Variants in C8orf34 observed in about 807,000 individuals in gnomAD.
C8orf34 encodes the protein uncharacterized protein C8orf34.
C8orf34 carries 65 observed loss-of-function variants against 68.3 expected under a neutral mutation model. The observed-to-expected ratio is 0.95, with a 90% CI of 0.78 to 1.17. The LOEUF (loss-of-function observed/expected upper bound fraction) is 1.17. Among genes scored for constraint, C8orf34 ranks in the 50% most tolerant of loss-of-function variants. The probability of loss-of-function intolerance (pLI) is 0.00; values close to 1 mark genes in which losing one functional copy is unlikely to be tolerated. For missense variants in C8orf34, 664 were observed against 655.4 expected (o/e 1.01, Z -0.14); for synonymous variants, 244 against 241.2 (o/e 1.01, Z -0.11).
chr8:68,577,390 T>C (rs1816936886), intron 7 of C8orf34, among the ~76,000 whole-genome samples: 1 of 152,028 alleles, frequency 6.6e-6, no homozygotes, highest in South Asian at 2.1e-4. Flanking sequence ...ATTTAAAATA[T>C]GTAACAAAAG....
At chr8:68,548,623 A>G (rs984553245) in intron 7 of C8orf34, among the ~76,000 whole-genome samples, 1 of 151,822 alleles carries the variant, frequency 6.6e-6, no homozygotes, top group Admixed American at 6.6e-5. Flanking sequence ...TGTGTTTAGC[A>G]GTGTCTCATA....
intron 1 of C8orf34, among the ~76,000 whole-genome samples, chr8:68,400,107 T>C (rs1414459259): frequency 6.6e-6 from 1 of 152,154 alleles, no homozygotes; most frequent in Non-Finnish European, 1.5e-5. Flanking sequence ...TTTCTCCCAT[T>C]TGGCAAGCTG....
At chr8:68,354,611 G>C (rs996650112) in intron 1 of C8orf34, among the ~76,000 whole-genome samples, 5 of 152,066 alleles carry the variant, frequency 3.3e-5, no homozygotes, top group African/African-American at 1.2e-4. Context: ...TTTAGTGGAT[G>C]GATATGACTG....
At chr8:68,712,949 A>G (rs1485387210) in intron 9 of C8orf34, among the ~76,000 whole-genome samples, 1 of 152,170 alleles carries the variant, frequency 6.6e-6, no homozygotes, top group Admixed American at 6.5e-5. Context: ...TAAATTTAAG[A>G]AAATCAAAAT....
chr8:68,650,126 A>G (rs1243175004), intron 8 of C8orf34, among the ~76,000 whole-genome samples: 1 of 152,220 alleles, frequency 6.6e-6, no homozygotes, highest in East Asian at 1.9e-4. Flanking sequence ...TAAAATATTA[A>G]GAATAATTCT....
At chr8:68,669,448 A>G (rs1819941867) in intron 8 of C8orf34, among the ~76,000 whole-genome samples, 1 of 152,208 alleles carries the variant, frequency 6.6e-6, no homozygotes, top group African/African-American at 2.4e-5. Context: ...ATATGTTTTT[A>G]TGTACCCATT....
chr8:68,428,400 T>C lies in C8orf34; in HGVS notation c.328-11099T>C, dbSNP rs540333720. Among the ~76,000 whole-genome samples, 32 of 152,072 alleles carry C rather than the reference T, an allele frequency of 2.1e-4. 1 individual carries two copies. The South Asian group carries it at 6.6e-3, about 32-fold the overall frequency. ...TAGAGAGAGTTACAAGACACAACAA[T>C]AAAAATACAAGCCATGCGTGATAAC... On this transcript the variant is annotated intron_variant, in intron 1 of 13. Transcript: ENST00000518698.
At chr8:68,685,667 G>A (rs1298235272) in intron 8 of C8orf34, among the ~76,000 whole-genome samples, 1 of 151,852 alleles carries the variant, frequency 6.6e-6, no homozygotes, top group Non-Finnish European at 1.5e-5. Flanking sequence ...ACCAGCCTGG[G>A]TAACATGGTG....
At chr8:68,636,147 G>A (rs1481691885) in intron 7 of C8orf34, among the ~76,000 whole-genome samples, 1 of 152,116 alleles carries the variant, frequency 6.6e-6, no homozygotes. Context: ...AATTGGTTTT[G>A]GGAGTGCATT....
intron 1 of C8orf34, among the ~76,000 whole-genome samples, chr8:68,403,101 A>T (rs1277497866): frequency 1.3e-5 from 2 of 152,162 alleles, no homozygotes; most frequent in African/African-American, 2.4e-5. Context: ...TTCCAACTTG[A>T]CCTAGAACAG....
At chr8:68,736,916 G>A (rs554976218) in intron 10 of C8orf34, among the ~76,000 whole-genome samples, 1 of 152,144 alleles carries the variant, frequency 6.6e-6, no homozygotes, top group South Asian at 2.1e-4. Flanking sequence ...TGGGTAATGT[G>A]GATCTGAGTA....
chr8:68,562,007 G>T (rs1340310129), intron 7 of C8orf34, among the ~76,000 whole-genome samples: 4 of 152,094 alleles, frequency 2.6e-5, no homozygotes, highest in Admixed American at 2.6e-4. Flanking sequence ...GAAGGAGTAT[G>T]CTCTAGAATT....
intron 1 of C8orf34, among the ~76,000 whole-genome samples, chr8:68,431,425 C>CTCTT (rs1810447791): frequency 1.3e-5 from 2 of 152,178 alleles, no homozygotes; most frequent in Admixed American, 1.3e-4. Flanking sequence ...AACTGCTTTG[C>CTCTT]TCTTTCCACT....
At chr8:68,812,293 T>G (rs1032387984) in intron 12 of C8orf34, among the ~76,000 whole-genome samples, 1 of 152,202 alleles carries the variant, frequency 6.6e-6, no homozygotes, top group Non-Finnish European at 1.5e-5. Flanking sequence ...TTAAGTATGT[T>G]TTCAATCCCA....
At chr8:68,533,923 A>G (rs1271762951) in intron 7 of C8orf34, 2 of 872,870 alleles carry the variant, frequency 2.3e-6, no homozygotes, top group African/African-American at 3.7e-5. Flanking sequence ...TGATTTTCAA[A>G]TACTTTATAA....
intron 3 of C8orf34, among the ~76,000 whole-genome samples, chr8:68,464,202 G>A (rs546590432): frequency 2.6e-5 from 4 of 152,110 alleles, no homozygotes; most frequent in Admixed American, 2.0e-4. Context: ...GAGAATATTT[G>A]CTTCAAAGAG....
intron 13 of C8orf34, among the ~76,000 whole-genome samples, chr8:68,816,342 C>T (rs1002167925): frequency 6.6e-6 from 1 of 152,042 alleles, no homozygotes; most frequent in African/African-American, 2.4e-5. Flanking sequence ...TATATATCCC[C>T]TGCAGTTATA....
chr8:68,403,174 G>A (rs1161041401), intron 1 of C8orf34, among the ~76,000 whole-genome samples: 7 of 152,162 alleles, frequency 4.6e-5, no homozygotes, highest in Non-Finnish European at 5.9e-5. Context: ...CTTCCATAAT[G>A]TACACTTATG....
At chr8:68,676,826 C>T (rs920056515) in intron 8 of C8orf34, among the ~76,000 whole-genome samples, 1 of 152,176 alleles carries the variant, frequency 6.6e-6, no homozygotes, top group Non-Finnish European at 1.5e-5. Context: ...TGAGAGGCCT[C>T]ATAATCATGA....
Sources: gnomAD v4.1 joint callset for allele counts (sites outside exome capture counted in the v4.1 genomes callset) on GRCh38, gnomAD v4.1.1 for gene constraint, MANE v1.5 for transcripts, NCBI Gene and HGNC (gene_info 2026-07-23, HGNC 2026-07-21) for gene names.